MMP26: variants seen among roughly 807,000 people sequenced by gnomAD.
MMP26 encodes the protein matrix metalloproteinase-26.
Under a neutral mutation model 31.0 loss-of-function variants are expected in MMP26, and 33 were observed. The observed-to-expected ratio is 1.06, with a 90% CI of 0.81 to 1.42. The LOEUF (loss-of-function observed/expected upper bound fraction) is 1.42. Among genes scored for constraint, MMP26 ranks in the 40% most tolerant of loss-of-function variants. MMP26 has a pLI of 0.00. For missense variants in MMP26, 347 were observed against 316.1 expected, an observed-to-expected ratio of 1.10 and a Z score of -0.74; for synonymous variants, 122 against 114.9, an observed-to-expected ratio of 1.06 and a Z score of -0.40.
chr11:4,937,718 C>A (rs554176266), intron 2 of MMP26: 4 of 169,476 alleles, frequency 2.4e-5, no homozygotes, highest in South Asian at 3.3e-4. Context: ...ACTGTGTTGT[C>A]AGAACACATC....
At chr11:4,844,827 TTACTC>T (rs1461881196) in intron 2 of MMP26, among the ~76,000 whole-genome samples, 1 of 152,092 alleles carries the variant, frequency 6.6e-6, no homozygotes, top group Admixed American at 6.5e-5. Flanking sequence ...CTGAAAGCCT[TTACTC>T]TAAGATCTAA....
At chr11:4,809,605 C>G (rs1849323265) in intron 2 of MMP26, among the ~76,000 whole-genome samples, 1 of 152,144 alleles carries the variant, frequency 6.6e-6, no homozygotes, top group Non-Finnish European at 1.5e-5. Context: ...TTTGAGGTAT[C>G]TGAAAATAAG....
intron 2 of MMP26, chr11:4,889,976 A>G (rs567656590): frequency 3.1e-4 from 51 of 164,284 alleles, no homozygotes; most frequent in African/African-American, 1.1e-3. Context: ...GGAGCAGGCC[A>G]GCTTCCTGAC....
intron 2 of MMP26, among the ~76,000 whole-genome samples, chr11:4,933,519 T>TTTA (rs1564809830): frequency 0.022 from 2,796 of 129,606 alleles, 34 homozygotes; most frequent in Middle Eastern, 0.037. Context: ...TACCCTGTTA[T>TTTA]TTTTTTTGTT....
chr11:4,924,212 C>G (rs775497655), intron 2 of MMP26: 8 of 1,613,966 alleles, frequency 5.0e-6, no homozygotes, highest in Non-Finnish European at 6.8e-6. Flanking sequence ...GGTGAGGTTC[C>G]CCAAGATAAC....
chr11:4,718,864 G>A (rs1847972055), intron 1 of MMP26: 1 of 168,198 alleles, frequency 5.9e-6, no homozygotes, highest in Non-Finnish European at 1.3e-5. Context: ...CACCATTCTG[G>A]GTATATTCTG....
chr11:4,827,303 AATCT>A (rs1402309336), intron 2 of MMP26, among the ~76,000 whole-genome samples: 1 of 152,176 alleles, frequency 6.6e-6, no homozygotes, highest in African/African-American at 2.4e-5. Context: ...CTGTACTGAA[AATCT>A]ATCCTTGATC....
chr11:4,903,398 T>C (rs1444918347), intron 2 of MMP26, among the ~76,000 whole-genome samples: 2 of 152,152 alleles, frequency 1.3e-5, no homozygotes, highest in East Asian at 3.8e-4. Flanking sequence ...TAGATTACTA[T>C]CTCCATTTTG....
chr11:4,889,817 C>T (rs1850592015), intron 2 of MMP26: 1 of 176,714 alleles, frequency 5.7e-6, no homozygotes, highest in East Asian at 1.4e-4. Flanking sequence ...ATGGGAGACA[C>T]AGGTGTTGAG....
At chr11:4,744,535 C>A (rs1848355007) in intron 1 of MMP26, among the ~76,000 whole-genome samples, 2 of 152,112 alleles carry the variant, frequency 1.3e-5, no homozygotes. Context: ...GAGGAAGAGG[C>A]AGGGCTCTGA....
chr11:4,788,046 G>C (rs1453482609), intron 2 of MMP26, among the ~76,000 whole-genome samples: 1 of 152,096 alleles, frequency 6.6e-6, no homozygotes, highest in Non-Finnish European at 1.5e-5. Context: ...ATATCATGCT[G>C]GTTCTAAGTA....
At chr11:4,793,561 T>A (rs1194641131) in intron 2 of MMP26, among the ~76,000 whole-genome samples, 1 of 152,134 alleles carries the variant, frequency 6.6e-6, no homozygotes, top group Non-Finnish European at 1.5e-5. Context: ...AAAACAGTAC[T>A]TGAATAGGGA....
intron 2 of MMP26, among the ~76,000 whole-genome samples, chr11:4,826,911 A>C (rs71480730): frequency 6.6e-6 from 1 of 152,060 alleles, no homozygotes; most frequent in Non-Finnish European, 1.5e-5. Flanking sequence ...AGAAACAGTT[A>C]ATCCATTGGA....
intron 1 of MMP26, among the ~76,000 whole-genome samples, chr11:4,727,269 A>G (rs898222270): frequency 6.6e-6 from 1 of 152,218 alleles, no homozygotes; most frequent in Non-Finnish European, 1.5e-5. Flanking sequence ...TAGTTACGTT[A>G]TAAAAGACAA....
chr11:4,942,089 C>CAAAAAAAAAAAAAAAAAAAAAA (rs201626472), intron 2 of MMP26, among the ~76,000 whole-genome samples: 450 of 37,030 alleles, frequency 0.012, 40 homozygotes, highest in Middle Eastern at 0.023. Flanking sequence ...GAGTCCATCT[C>CAAAAAAAAAAAAAAAAAAAAAA]AAAAAAAAAA....
intron 2 of MMP26, among the ~76,000 whole-genome samples, chr11:4,932,930 G>T (rs1199204469): frequency 1.3e-5 from 2 of 152,032 alleles, no homozygotes; most frequent in Non-Finnish European, 2.9e-5. Flanking sequence ...AAAGTTCATT[G>T]CCTTGTTTAC....
At chr11:4,753,584 T>A (rs1848472992) in intron 1 of MMP26, among the ~76,000 whole-genome samples, 1 of 152,114 alleles carries the variant, frequency 6.6e-6, no homozygotes. Flanking sequence ...TTATTTGCTC[T>A]TCCTGAAATA....
At chr11:4,817,318 T>G (rs1460915392) in intron 2 of MMP26, among the ~76,000 whole-genome samples, 2 of 152,140 alleles carry the variant, frequency 1.3e-5, no homozygotes, top group African/African-American at 4.8e-5. Context: ...GCATGGTGAT[T>G]TATGCCTGTA....
At chr11:4,710,150 A>G in intron 1 of MMP26, 2 of 456,768 alleles carry the variant, frequency 4.4e-6, no homozygotes, top group South Asian at 3.1e-5. Flanking sequence ...GCACAGACAC[A>G]TGGATCAACA....
Sources: gnomAD v4.1 joint callset for allele counts (sites outside exome capture counted in the v4.1 genomes callset) on GRCh38, gnomAD v4.1.1 for gene constraint, MANE v1.5 for transcripts, NCBI Gene and HGNC (gene_info 2026-07-23, HGNC 2026-07-21) for gene names.